GPC5: variants seen among roughly 807,000 people sequenced by gnomAD.
GPC5 encodes glypican 5.
GPC5 carries 47 observed loss-of-function variants against 53.9 expected under a neutral mutation model. The observed-to-expected ratio is 0.87, with a 90% CI of 0.69 to 1.11. The LOEUF (loss-of-function observed/expected upper bound fraction) is 1.11, where lower values mean the gene tolerates loss of function less well. GPC5 is among the 50% of genes most tolerant of loss of function. The pLI is 0.00. For missense variants in GPC5, 748 were observed against 713.1 expected (o/e 1.05, Z -0.56); for synonymous variants, 286 against 263.3 (o/e 1.09, Z -0.84).
In GPC5 at chr13:91,618,858, G is replaced by A. The variant is rs184020124; in HGVS notation, c.326-74329G>A. Among the ~76,000 whole-genome samples the A allele has an allele frequency of 3.4e-3, 518 of 152,052 alleles. 3 individuals carry two copies. Among genetic ancestry groups the A allele is most frequent in the African/African-American group, 0.012 (484 of 41,498 alleles). ...AACTTACAGAGTTTTTGTATTAAAT[G>A]AAATAATCTTTGTATCCTTTCAAGG... is the stretch of plus-strand genomic sequence containing the variant. On this transcript the variant is annotated intron_variant, in intron 2 of 7. Transcript: ENST00000377067.
chr13:92,290,743 C>T (rs1034918361), intron 7 of GPC5, among the ~76,000 whole-genome samples: 16 of 152,298 alleles, frequency 1.1e-4, no homozygotes, highest in Non-Finnish European at 1.6e-4. Flanking sequence ...TCACAGCTCT[C>T]GCTCGCTCTC....
chr13:92,333,724 C>G (rs1455083416), intron 7 of GPC5, among the ~76,000 whole-genome samples: 2 of 151,992 alleles, frequency 1.3e-5, no homozygotes, highest in Non-Finnish European at 2.9e-5. Context: ...GTCCAGTTAT[C>G]AAGAAAGAAT....
intron 7 of GPC5, among the ~76,000 whole-genome samples, chr13:92,625,098 G>C (rs1885004720): frequency 1.3e-5 from 2 of 152,096 alleles, no homozygotes; most frequent in South Asian, 4.1e-4. Flanking sequence ...CTGAGATTCT[G>C]TGTCAGTGTG....
chr13:92,660,269 A>G (rs532854319), intron 7 of GPC5, among the ~76,000 whole-genome samples: 50 of 152,228 alleles, frequency 3.3e-4, no homozygotes, highest in Middle Eastern at 3.4e-3. Context: ...TCTTTGTATG[A>G]ATATACAATT....
chr13:91,954,533 G>A (rs540551159), intron 6 of GPC5, among the ~76,000 whole-genome samples: 3 of 116,804 alleles, frequency 2.6e-5, no homozygotes, highest in African/African-American at 1.1e-4. Context: ...AACAATATTT[G>A]ATAAAATTTA....
intron 6 of GPC5, among the ~76,000 whole-genome samples, chr13:91,973,897 G>A (rs1470248349): frequency 2.0e-5 from 3 of 152,212 alleles, no homozygotes; most frequent in African/African-American, 4.8e-5. Context: ...TGCCCCTACA[G>A]GGGGATGCCT....
chr13:91,437,339 C>A (rs1880060611), intron 1 of GPC5, among the ~76,000 whole-genome samples: 1 of 152,136 alleles, frequency 6.6e-6, no homozygotes, highest in Non-Finnish European at 1.5e-5. Flanking sequence ...TTGTTCCTTT[C>A]CATGTTTAGT....
At chr13:91,885,675 C>T (rs566639739) in intron 5 of GPC5, among the ~76,000 whole-genome samples, 1 of 152,290 alleles carries the variant, frequency 6.6e-6, no homozygotes, top group Non-Finnish European at 1.5e-5. Context: ...GTGTCAGTTT[C>T]CTTCTCCATG....
chr13:92,780,062 A>G (rs1273168036), intron 7 of GPC5, among the ~76,000 whole-genome samples: 1 of 152,104 alleles, frequency 6.6e-6, no homozygotes, highest in African/African-American at 2.4e-5. Flanking sequence ...ATTAATTAAC[A>G]TAGTGGTGTG....
chr13:92,276,385 C>T (rs12868053), intron 7 of GPC5, among the ~76,000 whole-genome samples: 12,990 of 152,050 alleles, frequency 0.085, 616 homozygotes, highest in Middle Eastern at 0.12. Flanking sequence ...AATTCTAATT[C>T]TTCATAGACT....
At chr13:91,928,523 C>T (rs2039790961) in intron 6 of GPC5, among the ~76,000 whole-genome samples, 1 of 152,164 alleles carries the variant, frequency 6.6e-6, no homozygotes, top group Non-Finnish European at 1.5e-5. Context: ...ATTGGTCACA[C>T]TGCACATTTC....
At chr13:92,276,403 T>G (rs1284188166) in intron 7 of GPC5, among the ~76,000 whole-genome samples, 1 of 152,092 alleles carries the variant, frequency 6.6e-6, no homozygotes, top group Non-Finnish European at 1.5e-5. Context: ...ACTATCTCAG[T>G]TTTTCCTTCA....
intron 6 of GPC5, among the ~76,000 whole-genome samples, chr13:91,959,624 C>T (rs1416232669): frequency 6.6e-6 from 1 of 151,966 alleles, no homozygotes; most frequent in Non-Finnish European, 1.5e-5. Flanking sequence ...CCCTGATGAA[C>T]ATAGACACAA....
intron 7 of GPC5, among the ~76,000 whole-genome samples, chr13:92,345,201 A>C (rs1181138184): frequency 6.6e-6 from 1 of 152,328 alleles, no homozygotes; most frequent in Admixed American, 6.5e-5. Flanking sequence ...TCAAAAAACA[A>C]GACCAAAGAA....
chr13:91,883,353 G>A (rs2039287866), intron 5 of GPC5, among the ~76,000 whole-genome samples: 1 of 152,188 alleles, frequency 6.6e-6, no homozygotes, highest in South Asian at 2.1e-4. Context: ...GATTGTAGCA[G>A]TCACAAGCAT....
At chr13:91,843,749 G>T (rs1239448426) in intron 5 of GPC5, among the ~76,000 whole-genome samples, 1 of 152,132 alleles carries the variant, frequency 6.6e-6, no homozygotes, top group African/African-American at 2.4e-5. Flanking sequence ...GATGCATCTG[G>T]AATGTTTCTA....
chr13:92,229,111 C>T (rs2042510772), intron 7 of GPC5, among the ~76,000 whole-genome samples: 1 of 151,970 alleles, frequency 6.6e-6, no homozygotes, highest in Non-Finnish European at 1.5e-5. Flanking sequence ...TGACCACTGA[C>T]TTAATTTAAA....
intron 7 of GPC5, among the ~76,000 whole-genome samples, chr13:92,273,553 A>G (rs1236275215): frequency 2.6e-5 from 4 of 152,132 alleles, no homozygotes; most frequent in African/African-American, 9.7e-5. Context: ...AAAACTAGGT[A>G]TAAAAATGAA....
intron 2 of GPC5, among the ~76,000 whole-genome samples, chr13:91,570,717 C>A (rs1035053425): frequency 1.3e-5 from 2 of 152,086 alleles, no homozygotes; most frequent in Non-Finnish European, 2.9e-5. Flanking sequence ...TGATTTTTCT[C>A]TGTGCTATGT....
Sources: allele counts gnomAD v4.1 joint callset (sites outside exome capture counted in the v4.1 genomes callset), GRCh38; gene constraint gnomAD v4.1.1; transcripts MANE v1.5; gene names NCBI Gene and HGNC (gene_info 2026-07-23, HGNC 2026-07-21).